PHF20: variants seen among roughly 807,000 people sequenced by gnomAD.
PHF20 encodes the protein PHD finger protein 20.
A neutral mutation model predicts 113.5 loss-of-function variants in PHF20; 23 were observed. The ratio of observed to expected loss-of-function variants is 0.20; its 90% CI spans 0.15 to 0.29. PHF20 has a LOEUF of 0.29. Ranked by LOEUF, PHF20 falls within the 10% of genes least tolerant of loss-of-function variation. The pLI, the probability that PHF20 is intolerant of heterozygous loss-of-function variation, is 1.00. For missense variants in PHF20, 943 were observed against 1,219.6 expected, an observed-to-expected ratio of 0.77 and a Z score of 3.38; for synonymous variants, 434 against 457.3, an observed-to-expected ratio of 0.95 and a Z score of 0.65.
chr20:35,778,105 A>T (rs2041210989), intron 1 of PHF20, among the ~76,000 whole-genome samples: 10 of 151,936 alleles, frequency 6.6e-5, no homozygotes, highest in Admixed American at 6.6e-4. Context: ...TTATTTTGAG[A>T]AAGGGTCTTG....
intron 2 of PHF20, among the ~76,000 whole-genome samples, chr20:35,817,286 A>G (rs2042092755): frequency 6.6e-6 from 1 of 151,700 alleles, no homozygotes; most frequent in South Asian, 2.1e-4. Flanking sequence ...TCCTGGGTTC[A>G]AGAGATTCTC....
intron 6 of PHF20, among the ~76,000 whole-genome samples, chr20:35,867,999 A>G (rs2054347399): frequency 6.6e-6 from 1 of 152,084 alleles, no homozygotes; most frequent in South Asian, 2.1e-4. Context: ...TAGGTTTAAA[A>G]CAAAATAGTA....
intron 2 of PHF20, among the ~76,000 whole-genome samples, chr20:35,823,029 G>T (rs1047513970): frequency 1.3e-5 from 2 of 151,798 alleles, no homozygotes; most frequent in African/African-American, 4.8e-5. Flanking sequence ...TTTGCTGCTG[G>T]TGTTGTATTG....
chr20:35,830,398 C>G (rs952655745), intron 2 of PHF20, among the ~76,000 whole-genome samples: 5 of 152,206 alleles, frequency 3.3e-5, no homozygotes, highest in African/African-American at 1.2e-4. Flanking sequence ...TAGCATAAGT[C>G]CTCAAGGTTC....
chr20:35,831,267 C>T (rs1053212016), intron 2 of PHF20, among the ~76,000 whole-genome samples: 9 of 152,074 alleles, frequency 5.9e-5, no homozygotes, highest in African/African-American at 2.2e-4. Flanking sequence ...TCCAGTGATC[C>T]TCTCACCTCA....
At chr20:35,807,669 A>T (rs527983147) in intron 2 of PHF20, among the ~76,000 whole-genome samples, 124 of 151,904 alleles carry the variant, frequency 8.2e-4, no homozygotes, top group Non-Finnish European at 1.3e-3. Context: ...TTATATATAT[A>T]TTTTTTCTCT....
chr20:35,902,817 A>AG (rs1461955548), intron 10 of PHF20, among the ~76,000 whole-genome samples: 1 of 152,178 alleles, frequency 6.6e-6, no homozygotes, highest in African/African-American at 2.4e-5. Context: ...AAATGACCCA[A>AG]GGGGAAATGC....
intron 2 of PHF20, among the ~76,000 whole-genome samples, chr20:35,841,061 A>G (rs1173569374): frequency 6.6e-6 from 1 of 152,160 alleles, no homozygotes; most frequent in African/African-American, 2.4e-5. Flanking sequence ...CAGGTGTGGT[A>G]GCTCATGCCT....
At chr20:35,897,618 G>C (rs901503361) in intron 9 of PHF20, among the ~76,000 whole-genome samples, 8 of 140,430 alleles carry the variant, frequency 5.7e-5, no homozygotes, top group South Asian at 4.7e-4. Context: ...CCAGGCTCGA[G>C]TGCAGAGGTG....
intron 2 of PHF20, among the ~76,000 whole-genome samples, chr20:35,827,748 G>A (rs1021044603): frequency 3.4e-5 from 5 of 145,642 alleles, no homozygotes; most frequent in Admixed American, 7.0e-5. Flanking sequence ...ACGCCACTGC[G>A]CTCCAGCCTG....
intron 9 of PHF20, among the ~76,000 whole-genome samples, chr20:35,898,247 C>T (rs1237748528): frequency 6.6e-6 from 1 of 152,148 alleles, no homozygotes; most frequent in African/African-American, 2.4e-5. Context: ...AGACTCAATA[C>T]TAAAACCTTT....
rs928673138 is a variant in PHF20 at position 35,894,346 on chromosome 20, A to G, written c.1283-5024A>G. 4.6e-5 allele frequency among the ~76,000 whole-genome samples: 7 copies of G among 152,268 alleles called. No homozygotes were observed. In the East Asian group the frequency reaches 1.3e-3, roughly 29 times the overall value. ...TGATCACCTACTTTGTGCCAAGTAC[A>G]TACATTATCCATAACCTTTTCTCCA... On this transcript the variant is annotated intron_variant, in intron 9 of 17. Transcript: ENST00000374012.
intron 9 of PHF20, among the ~76,000 whole-genome samples, chr20:35,875,767 C>T (rs977058391): frequency 7.9e-5 from 12 of 152,138 alleles, no homozygotes; most frequent in African/African-American, 4.8e-5. Flanking sequence ...GTATGTTAGA[C>T]GTCACTTGAA....
intron 1 of PHF20, among the ~76,000 whole-genome samples, chr20:35,795,910 G>A (rs540182999): frequency 1.1e-4 from 16 of 152,120 alleles, no homozygotes; most frequent in Admixed American, 7.2e-4. Context: ...GAGTGCAGTC[G>A]TGTGATCTCA....
intron 13 of PHF20, among the ~76,000 whole-genome samples, chr20:35,925,548 A>G (rs959284163): frequency 6.6e-6 from 1 of 151,998 alleles, no homozygotes; most frequent in African/African-American, 2.4e-5. Context: ...GATTACAGGC[A>G]TGAGCCACTG....
intron 16 of PHF20, among the ~76,000 whole-genome samples, 185 bp downstream of exon 16, chr20:35,939,293 C>T (rs1217927820): frequency 6.6e-6 from 1 of 151,920 alleles, no homozygotes; most frequent in Non-Finnish European, 1.5e-5. Flanking sequence ...GCCAAAGATC[C>T]TTGGTTCCAG....
intron 1 of PHF20, among the ~76,000 whole-genome samples, chr20:35,778,685 AG>A (rs2041223198): frequency 6.6e-6 from 1 of 151,358 alleles, no homozygotes; most frequent in South Asian, 2.1e-4. Flanking sequence ...CCCGAGAGGC[AG>A]AGGTTGCAGT....
chr20:35,813,738 G>T (rs189685869), intron 2 of PHF20, among the ~76,000 whole-genome samples: 36 of 152,094 alleles, frequency 2.4e-4, no homozygotes, highest in Non-Finnish European at 4.6e-4. Flanking sequence ...CGCACTTGTA[G>T]TCTCAGCTAC....
intron 2 of PHF20, among the ~76,000 whole-genome samples, chr20:35,820,189 G>T (rs1309779801): frequency 6.6e-6 from 1 of 152,120 alleles, no homozygotes; most frequent in Non-Finnish European, 1.5e-5. Context: ...TCTGTACAAA[G>T]TTCATTTACA....
Sources: gnomAD v4.1 joint callset for allele counts (sites outside exome capture counted in the v4.1 genomes callset) on GRCh38, gnomAD v4.1.1 for gene constraint, MANE v1.5 for transcripts, NCBI Gene and HGNC (gene_info 2026-07-23, HGNC 2026-07-21) for gene names.